Variants in ANKFN1 observed in about 807,000 individuals in gnomAD.
ANKFN1 encodes the protein ankyrin repeat and fibronectin type-III domain-containing protein 1.
A neutral mutation model predicts 108.7 loss-of-function variants in ANKFN1; 74 were observed. The observed-to-expected ratio is 0.68, with a 90% CI of 0.56 to 0.83. The LOEUF (loss-of-function observed/expected upper bound fraction) is 0.83. Ranked by LOEUF, ANKFN1 falls within the 40% of genes least tolerant of loss-of-function variation. The pLI is 0.00. For missense variants in ANKFN1, 1,505 were observed against 1,382.3 expected, an observed-to-expected ratio of 1.09 and a Z score of -1.41; for synonymous variants, 547 against 516.2, an observed-to-expected ratio of 1.06 and a Z score of -0.81.
intron 3 of ANKFN1, among the ~76,000 whole-genome samples, chr17:56,324,487 G>C (rs2045461039): frequency 6.6e-6 from 1 of 152,100 alleles, no homozygotes; most frequent in African/African-American, 2.4e-5. Context: ...CATGACCCCT[G>C]TGAGGCAACC....
intron 3 of ANKFN1, among the ~76,000 whole-genome samples, chr17:56,285,010 TC>T (rs1464570928): frequency 6.6e-6 from 1 of 152,196 alleles, no homozygotes; most frequent in Admixed American, 6.5e-5. Context: ...CAAGTCAAGA[TC>T]TTATTTCTTC....
intron 4 of ANKFN1, among the ~76,000 whole-genome samples, chr17:56,053,652 T>C (rs1366965236): frequency 6.6e-6 from 1 of 152,208 alleles, no homozygotes; most frequent in Non-Finnish European, 1.5e-5. Flanking sequence ...ATTTCTTTTC[T>C]TTGGGTTATA....
intron 4 of ANKFN1, among the ~76,000 whole-genome samples, chr17:56,132,222 T>C (rs1907323283): frequency 1.3e-5 from 2 of 152,214 alleles, no homozygotes; most frequent in Non-Finnish European, 2.9e-5. Flanking sequence ...AAGTATCTTT[T>C]AATCCTCTCA....
chr17:56,177,589 C>T (rs1216737342), intron 1 of ANKFN1, among the ~76,000 whole-genome samples: 1 of 152,192 alleles, frequency 6.6e-6, no homozygotes, highest in Non-Finnish European at 1.5e-5. Context: ...TCCCACGTTC[C>T]AGATGACTTA....
At chr17:56,490,256 A>G (rs2050991509) in intron 18 of ANKFN1, among the ~76,000 whole-genome samples, 1 of 152,236 alleles carries the variant, frequency 6.6e-6, no homozygotes, top group Non-Finnish European at 1.5e-5. Flanking sequence ...GGAGCACAAA[A>G]GAGGGAGAAA....
At chr17:56,321,755 C>T (rs2045374471) in intron 3 of ANKFN1, among the ~76,000 whole-genome samples, 3 of 152,110 alleles carry the variant, frequency 2.0e-5, no homozygotes, top group Admixed American at 2.0e-4. Flanking sequence ...TAAAAGAGAC[C>T]TTTGAATTTA....
intron 10 of ANKFN1, among the ~76,000 whole-genome samples, chr17:56,444,882 C>T (rs1390640224): frequency 6.6e-6 from 1 of 152,128 alleles, no homozygotes; most frequent in Non-Finnish European, 1.5e-5. Flanking sequence ...TAACTAGTGC[C>T]CTGCTATCAG....
At chr17:56,220,058 T>C (rs1387032612) in intron 2 of ANKFN1, among the ~76,000 whole-genome samples, 1 of 152,210 alleles carries the variant, frequency 6.6e-6, no homozygotes, top group Admixed American at 6.5e-5. Context: ...GTAAACTTAT[T>C]CTCTGTCTTC....
intron 10 of ANKFN1, among the ~76,000 whole-genome samples, chr17:56,448,421 A>G (rs534824540): frequency 1.4e-4 from 21 of 152,296 alleles, no homozygotes; most frequent in South Asian, 4.1e-4. Context: ...GGGTATTGCA[A>G]TTTAAATTTG....
At chr17:56,411,452 T>A (rs574957034) in intron 8 of ANKFN1, among the ~76,000 whole-genome samples, 1 of 152,326 alleles carries the variant, frequency 6.6e-6, no homozygotes, top group Non-Finnish European at 1.5e-5. Context: ...ATTTCACTTT[T>A]GCTTTCCTGT....
chr17:56,067,222 T>C (rs1027133723), intron 4 of ANKFN1, among the ~76,000 whole-genome samples: 27 of 151,720 alleles, frequency 1.8e-4, no homozygotes. Flanking sequence ...TAAGTCTGAA[T>C]AGTACTCCAT....
chr17:56,303,676 G>A (rs62073049), intron 3 of ANKFN1, among the ~76,000 whole-genome samples: 28,951 of 151,718 alleles, frequency 0.19, 3,613 homozygotes, highest in African/African-American at 0.37. Context: ...GATTCCATGT[G>A]CTCTTTTTTT....
chr17:56,118,215 A>G lies in ANKFN1; in HGVS notation c.288+71890A>G, dbSNP rs1327888381. ...CTTTCAAGCACAAGTTTGCGAGGTC[A>G]TATGTTTTAATTTCTTCTGGATATA... is the stretch of plus-strand genomic sequence containing the variant. On this transcript the variant is annotated intron_variant, in intron 4 of 12. Coordinates refer to the ANKFN1 transcript ENST00000635860. Among the ~76,000 whole-genome samples, 4 of 152,100 alleles carry G rather than the reference A, an allele frequency of 2.6e-5. No homozygotes were observed. The East Asian group carries it at 5.8e-4, about 22-fold the overall frequency.
intron 20 of ANKFN1, among the ~76,000 whole-genome samples, chr17:56,500,264 C>T (rs559785546): frequency 6.6e-6 from 1 of 152,088 alleles, no homozygotes; most frequent in African/African-American, 2.4e-5. Flanking sequence ...GGAATCTGAG[C>T]CTTTTCTATG....
intron 1 of ANKFN1, among the ~76,000 whole-genome samples, chr17:56,170,534 G>A (rs1356576356): frequency 1.3e-5 from 2 of 151,664 alleles, no homozygotes; most frequent in African/African-American, 2.4e-5. Flanking sequence ...AGGCCAAGGT[G>A]GGTGGATCAT....
intron 4 of ANKFN1, among the ~76,000 whole-genome samples, chr17:56,102,859 A>G (rs1458424025): frequency 6.6e-6 from 1 of 152,236 alleles, no homozygotes; most frequent in Non-Finnish European, 1.5e-5. Context: ...GATTAAAGGC[A>G]TGAGCCACTG....
At position 56,346,661 on chromosome 17, in the gene ANKFN1, A is replaced by G. The variant is rs573427738; in HGVS notation, c.189-4105A>G. Among the ~76,000 whole-genome samples, 12 of 152,018 alleles carry G rather than the reference A, an allele frequency of 7.9e-5. No individual in the cohort carries two copies. The South Asian group carries it at 2.5e-3, about 31-fold the overall frequency. ...AAAGTTAATTTTAGCCATTTTTGCT[A>G]TGGTTCTCTTTGCTGTTATGGAGAA... On this transcript the variant is annotated intron_variant, in intron 4 of 20. Coordinates refer to ENST00000682825, the MANE Select transcript of ANKFN1 (RefSeq NM_001370326.1).
At chr17:56,341,381 C>A (rs763685372) in intron 4 of ANKFN1, among the ~76,000 whole-genome samples, 5 of 152,024 alleles carry the variant, frequency 3.3e-5, no homozygotes, top group Non-Finnish European at 7.4e-5. Context: ...TTGTTTTATG[C>A]CGGTTTTCAA....
chr17:56,350,522 A>G (rs2046217763), intron 4 of ANKFN1, among the ~76,000 whole-genome samples: 1 of 152,142 alleles, frequency 6.6e-6, no homozygotes, highest in African/African-American at 2.4e-5. Flanking sequence ...TATATAGTAA[A>G]TGGAGGTTGT....
Sources: gnomAD v4.1 joint callset for allele counts (sites outside exome capture counted in the v4.1 genomes callset) on GRCh38, gnomAD v4.1.1 for gene constraint, MANE v1.5 for transcripts, NCBI Gene and HGNC (gene_info 2026-07-23, HGNC 2026-07-21) for gene names.